The following ITPR2 variants were observed in gnomAD, a reference collection of about 807,000 sequenced individuals.
ITPR2 encodes inositol 1,4,5-trisphosphate-gated calcium channel ITPR2.
Under a neutral mutation model 317.1 loss-of-function variants are expected in ITPR2, and 207 were observed. The ratio of observed to expected loss-of-function variants is 0.65; its 90% CI spans 0.58 to 0.73. The LOEUF (loss-of-function observed/expected upper bound fraction) is 0.73. Among genes scored for constraint, ITPR2 ranks in the 30% least tolerant of loss-of-function variants. The pLI, the probability that ITPR2 is intolerant of heterozygous loss-of-function variation, is 0.00. For missense variants in ITPR2, 2,613 were observed against 3,284.0 expected (o/e 0.80, Z 4.99); for synonymous variants, 1,156 against 1,149.1 (o/e 1.01, Z -0.12).
intron 1 of ITPR2, among the ~76,000 whole-genome samples, chr12:26,819,010 TG>T (rs1461101301): frequency 6.6e-6 from 1 of 152,238 alleles, no homozygotes; most frequent in African/African-American, 2.4e-5. Flanking sequence ...AACAAAACTC[TG>T]ATAATACTTG....
At chr12:26,723,952 C>G (rs527972229) in intron 4 of ITPR2, among the ~76,000 whole-genome samples, 2 of 152,114 alleles carry the variant, frequency 1.3e-5, no homozygotes, top group African/African-American at 4.8e-5. Flanking sequence ...CAAGAAAAAG[C>G]CTTCAAGTCA....
chr12:26,626,875 C>T (rs916792031), intron 23 of ITPR2, among the ~76,000 whole-genome samples: 3 of 151,988 alleles, frequency 2.0e-5, no homozygotes, highest in East Asian at 3.9e-4. Context: ...CCTATTCTCA[C>T]GAAAAGAATT....
At chr12:26,667,196 G>A (rs866643050) in intron 13 of ITPR2, among the ~76,000 whole-genome samples, 4 of 152,298 alleles carry the variant, frequency 2.6e-5, no homozygotes, top group Middle Eastern at 3.4e-3. Flanking sequence ...AGTATAGAAT[G>A]TATTCAGTTG....
chr12:26,555,997 C>A (rs1591894776), intron 36 of ITPR2, among the ~76,000 whole-genome samples: 1 of 152,228 alleles, frequency 6.6e-6, no homozygotes, highest in East Asian at 1.9e-4. Context: ...CTTTGTGCCC[C>A]ATAATGACAC....
In ITPR2 at chr12:26,486,243, A is replaced by C; in HGVS notation, c.5672T>G (p.Ile1891Ser). 6.2e-7 allele frequency: 1 copy of C among 1,614,084 alleles called. No individual in the cohort carries two copies. The highest frequency in any genetic ancestry group is 1.6e-4 in the Middle Eastern group (1 of 6,062). The change falls in exon 41 of 57, where the codon ATT becomes AGT. Residue 1891 changes from isoleucine (I) to serine (S), a missense_variant. Physicochemically the swap from Ile to Ser is moderately radical, Grantham distance 142. This residue lies in a region of ITPR2 where 926 missense variants were observed against 1,072.8 expected (regional missense o/e 0.86). Transcript: ENST00000381340. Reference sequence around the variant, plus strand: ...TCCCGCTTCTGGTCCTGTGCACATAATGTCTATTTCTGGATCCATTTCTCT... The same window carrying C: ...TCCCGCTTCTGGTCCTGTGCACATACTGTCTATTTCTGGATCCATTTCTCT... ...YRREMDPEIDIMCTGPEAGNT... is the reference protein window; with the variant it reads ...YRREMDPEIDSMCTGPEAGNT...
At chr12:26,770,695 G>T (rs1301344295) in intron 2 of ITPR2, among the ~76,000 whole-genome samples, 1 of 152,040 alleles carries the variant, frequency 6.6e-6, no homozygotes, top group Non-Finnish European at 1.5e-5. Context: ...CTTCCTTTAG[G>T]TAGTTTTAGG....
intron 36 of ITPR2, among the ~76,000 whole-genome samples, chr12:26,553,638 A>G (rs890313210): frequency 6.6e-6 from 1 of 152,136 alleles, no homozygotes; most frequent in East Asian, 1.9e-4. Flanking sequence ...AGAAAAAATT[A>G]GCTGGGCTTG....
chr12:26,724,749 G>C lies in ITPR2; in HGVS notation c.280-7C>G, dbSNP rs1163647413. ...GTTCCAGTTCTGCAGCGTGCTATAA[G>C]ATGATTATCAAATATTCAGTGTAGA... On this transcript the variant is annotated splice_region_variant and splice_polypyrimidine_tract_variant and intron_variant, in intron 3 of 56. Coordinates refer to ENST00000381340, the MANE Select transcript of ITPR2 (RefSeq NM_002223.4). 1 of 1,590,484 alleles carries C rather than the reference G, an allele frequency of 6.3e-7. No homozygotes were observed. The highest frequency in any genetic ancestry group is 8.6e-7 in the Non-Finnish European group (1 of 1,162,264).
rs766774155 is a variant in ITPR2, at chr12:26,340,151, C to G, written c.8019+16G>C. On this transcript the variant is annotated intron_variant, in intron 56 of 56. Transcript: ENST00000381340. ...GACTTTATCCCACCCAGCCCCATCT[C>G]CCTGAATGCACCCACCTGCTCCTTG... 6.9e-6 allele frequency: 11 copies of G among 1,587,824 alleles called. No homozygotes were observed. The South Asian group carries it at 7.0e-5, about 10-fold the overall frequency.
intron 13 of ITPR2, among the ~76,000 whole-genome samples, chr12:26,671,802 C>T (rs1333322242): frequency 1.3e-5 from 2 of 152,126 alleles, no homozygotes; most frequent in Non-Finnish European, 2.9e-5. Flanking sequence ...ATTCAGGCAA[C>T]CTATCTCACG....
chr12:26,411,361 G>T lies in ITPR2; in HGVS notation c.7358C>A (p.Ala2453Asp), dbSNP rs1940542057. The change falls in exon 52 of 57, where the codon GCC becomes GAC. Residue 2453 changes from alanine to aspartate, a missense_variant. Physicochemically the swap from Ala to Asp is moderately radical, Grantham distance 126 (BLOSUM62 -2). This residue lies in a region of ITPR2 where 113 missense variants were observed against 129.2 expected (regional missense o/e 0.87). Transcript: ENST00000381340. The stretch of plus-strand genomic sequence containing the variant: ...AATTGTGGGTGAACAGTTCTCCTTG[G>T]CACATGCTTCCATCATGGTAGTTAA... The part of the protein sequence containing the change: ...MTLTTMMEAC[A>D]KENCSPTIPA... 1.9e-6 allele frequency: 3 copies of T among 1,613,440 alleles called. No homozygotes were observed. Among genetic ancestry groups the T allele is most frequent in the African/African-American group, 1.3e-5 (1 of 74,882 alleles).
intron 24 of ITPR2, among the ~76,000 whole-genome samples, chr12:26,622,876 G>A (rs2136809229): frequency 6.6e-6 from 1 of 152,252 alleles, no homozygotes; most frequent in East Asian, 1.9e-4. Context: ...TGGCGTATGA[G>A]GACTCTGGGT....
At chr12:26,458,138 A>C (rs1198857959) in intron 45 of ITPR2, among the ~76,000 whole-genome samples, 1 of 152,174 alleles carries the variant, frequency 6.6e-6, no homozygotes, top group African/African-American at 2.4e-5. Flanking sequence ...TTGAAAAGGG[A>C]CTTAACCAGA....
At chr12:26,374,232 T>C (rs1257625859) in intron 55 of ITPR2, among the ~76,000 whole-genome samples, 1 of 152,312 alleles carries the variant, frequency 6.6e-6, no homozygotes, top group Admixed American at 6.5e-5. Context: ...CAGACAACAA[T>C]ATAGGAAGCC....
chr12:26,530,549 C>T (rs981102108), intron 37 of ITPR2, among the ~76,000 whole-genome samples: 1 of 152,178 alleles, frequency 6.6e-6, no homozygotes, highest in Non-Finnish European at 1.5e-5. Flanking sequence ...GGGCTATGAA[C>T]TACTAGAATC....
chr12:26,597,716 T>C (rs905632424), intron 30 of ITPR2, among the ~76,000 whole-genome samples: 2 of 152,208 alleles, frequency 1.3e-5, no homozygotes, highest in African/African-American at 4.8e-5. Context: ...AGGTAGGGTC[T>C]TTTAAGACAT....
chr12:26,819,543 T>C (rs985051304), intron 1 of ITPR2, among the ~76,000 whole-genome samples: 7 of 152,234 alleles, frequency 4.6e-5, no homozygotes, highest in African/African-American at 1.4e-4. Context: ...GCTGCATTTT[T>C]ATCAGCAAAT....
intron 37 of ITPR2, among the ~76,000 whole-genome samples, chr12:26,543,886 C>T (rs7976625): frequency 0.081 from 12,359 of 152,136 alleles, 760 homozygotes; most frequent in African/African-American, 0.17. Context: ...AATATGCCTG[C>T]TGTTGTTACG....
chr12:26,716,015 C>A, intron 6 of ITPR2, 129 bp downstream of exon 6: 2 of 723,708 alleles, frequency 2.8e-6, no homozygotes, highest in Non-Finnish European at 4.7e-6. Flanking sequence ...GCTATATGTA[C>A]CTTAGGGATA....
Sources: allele counts gnomAD v4.1 joint callset (sites outside exome capture counted in the v4.1 genomes callset), GRCh38; gene constraint gnomAD v4.1.1; regional missense constraint gnomAD v4.1.1; transcripts MANE v1.5; gene names NCBI Gene and HGNC (gene_info 2026-07-23, HGNC 2026-07-21).